The following LUZP2 variants were observed in gnomAD, a reference collection of about 807,000 sequenced individuals.
LUZP2 encodes leucine zipper protein 2.
A neutral mutation model predicts 51.6 loss-of-function variants in LUZP2; 52 were observed. The observed-to-expected ratio is 1.01, with a 90% CI of 0.81 to 1.27. LUZP2 has a LOEUF of 1.27. Ranked by LOEUF, LUZP2 falls within the 50% of genes most tolerant of loss-of-function variation. LUZP2 has a pLI of 0.00. For synonymous variants in LUZP2, 154 were observed against 137.3 expected (o/e 1.12, Z -0.85); for missense variants, 436 against 395.4 (o/e 1.10, Z -0.87).
At chr11:24,885,194 T>C (rs756354671) in intron 5 of LUZP2, among the ~76,000 whole-genome samples, 2 of 152,126 alleles carry the variant, frequency 1.3e-5, no homozygotes, top group Non-Finnish European at 2.9e-5. Context: ...TAATGCCTTA[T>C]AAATTGTGAT....
chr11:24,918,320 C>T (rs1853869175), intron 7 of LUZP2, among the ~76,000 whole-genome samples: 1 of 151,922 alleles, frequency 6.6e-6, no homozygotes, highest in Admixed American at 6.6e-5. Context: ...AATTGAATAC[C>T]CTTTATTTCT....
intron 7 of LUZP2, among the ~76,000 whole-genome samples, chr11:24,938,991 T>C (rs1279275860): frequency 6.6e-6 from 1 of 152,168 alleles, no homozygotes; most frequent in Non-Finnish European, 1.5e-5. Context: ...GTGCTGAGTC[T>C]AATGGTCTAG....
intron 7 of LUZP2, among the ~76,000 whole-genome samples, chr11:24,942,052 C>T (rs111425107): frequency 4.6e-5 from 7 of 152,154 alleles, no homozygotes; most frequent in African/African-American, 1.7e-4. Flanking sequence ...AGTCATTTTT[C>T]CCTTTTTAAT....
chr11:24,732,520 T>G (rs917319858), intron 3 of LUZP2, among the ~76,000 whole-genome samples: 2 of 151,624 alleles, frequency 1.3e-5, no homozygotes, highest in Non-Finnish European at 3.0e-5. Flanking sequence ...TAGACAGATT[T>G]GATAATATTG....
At chr11:24,920,954 A>T (rs557594393) in intron 7 of LUZP2, among the ~76,000 whole-genome samples, 22 of 152,196 alleles carry the variant, frequency 1.4e-4, no homozygotes, top group Non-Finnish European at 3.1e-4. Flanking sequence ...CAAATAAAAA[A>T]GAAAATATTT....
intron 7 of LUZP2, among the ~76,000 whole-genome samples, chr11:24,942,197 A>G (rs866488927): frequency 6.6e-6 from 1 of 152,212 alleles, no homozygotes; most frequent in African/African-American, 2.4e-5. Flanking sequence ...TCTTTGTATA[A>G]ACACAAAATT....
At chr11:24,505,829 A>T (rs1454740325) in intron 1 of LUZP2, among the ~76,000 whole-genome samples, 1 of 152,160 alleles carries the variant, frequency 6.6e-6, no homozygotes, top group Non-Finnish European at 1.5e-5. Context: ...GAGAAAAAAA[A>T]ATAAAGAAAG....
At chr11:25,057,326 C>A (rs955828242) in intron 10 of LUZP2, among the ~76,000 whole-genome samples, 8 of 152,072 alleles carry the variant, frequency 5.3e-5, no homozygotes, top group African/African-American at 1.9e-4. Flanking sequence ...CCTATGTAAA[C>A]CAGGCAGGGT....
intron 1 of LUZP2, among the ~76,000 whole-genome samples, chr11:24,660,900 T>C (rs1332728448): frequency 1.3e-5 from 2 of 152,160 alleles, no homozygotes; most frequent in Non-Finnish European, 2.9e-5. Context: ...TGCAAATTCA[T>C]ATGTTTGGGA....
intron 5 of LUZP2, among the ~76,000 whole-genome samples, chr11:24,862,464 A>G (rs1851769213): frequency 6.6e-6 from 1 of 152,292 alleles, no homozygotes; most frequent in African/African-American, 2.4e-5. Context: ...ACAAAGACTA[A>G]TGACACTATG....
intron 9 of LUZP2, among the ~76,000 whole-genome samples, chr11:25,029,487 C>G (rs1452390815): frequency 6.6e-6 from 1 of 151,964 alleles, no homozygotes; most frequent in Non-Finnish European, 1.5e-5. Context: ...CCTGTAATCC[C>G]AGTACTTTGG....
intron 1 of LUZP2, among the ~76,000 whole-genome samples, chr11:24,653,282 T>TAC (rs1040605413): frequency 6.6e-6 from 1 of 152,170 alleles, no homozygotes; most frequent in African/African-American, 2.4e-5. Flanking sequence ...TACTATTTTT[T>TAC]ACCGAATTGA....
chr11:24,968,996 G>C (rs537895590), intron 7 of LUZP2, among the ~76,000 whole-genome samples: 1 of 152,158 alleles, frequency 6.6e-6, no homozygotes, highest in Non-Finnish European at 1.5e-5. Context: ...CAGATAATTT[G>C]AATCCTTTTT....
intron 1 of LUZP2, among the ~76,000 whole-genome samples, chr11:24,509,626 A>G (rs887886242): frequency 4.7e-5 from 7 of 150,042 alleles, no homozygotes; most frequent in Non-Finnish European, 7.4e-5. Context: ...TATATATAAC[A>G]TATTATATGT....
rs114180016 is a variant in LUZP2, at chr11:24,665,739, C to T, written c.63-63430C>T. ...CTTGTGAAGAAGGACATGATTGCTTCGCCTTCTGCCATGATTGTAAATTTG... is the reference window on the plus strand; with the variant it reads ...CTTGTGAAGAAGGACATGATTGCTTTGCCTTCTGCCATGATTGTAAATTTG... On this transcript the variant is annotated intron_variant, in intron 1 of 11. Transcript: ENST00000336930. Among the ~76,000 whole-genome samples, 1,320 of 152,238 alleles carry T rather than the reference C, an allele frequency of 8.7e-3. 15 individuals carry two copies. Among genetic ancestry groups the T allele is most frequent in the African/African-American group, 0.03 (1,236 of 41,544 alleles).
chr11:24,887,684 A>G (rs918336797), intron 5 of LUZP2, among the ~76,000 whole-genome samples: 2 of 152,228 alleles, frequency 1.3e-5, no homozygotes, highest in African/African-American at 4.8e-5. Flanking sequence ...GCAACATAAA[A>G]TTATAAGAAT....
intron 5 of LUZP2, among the ~76,000 whole-genome samples, chr11:24,797,131 T>G (rs1311857680): frequency 1.3e-5 from 2 of 152,154 alleles, no homozygotes; most frequent in African/African-American, 2.4e-5. Flanking sequence ...TGGCCAGAAT[T>G]AAATGAATTA....
At chr11:24,763,794 C>T (rs1860078120) in intron 5 of LUZP2, among the ~76,000 whole-genome samples, 1 of 152,112 alleles carries the variant, frequency 6.6e-6, no homozygotes, top group Admixed American at 6.5e-5. Flanking sequence ...ATACTGCATA[C>T]ATTTTTCTTC....
chr11:24,769,796 T>C (rs1860340270), intron 5 of LUZP2, among the ~76,000 whole-genome samples: 1 of 150,802 alleles, frequency 6.6e-6, no homozygotes, highest in African/African-American at 2.5e-5. Flanking sequence ...CTTTTTTGTT[T>C]GTTTGTTTTG....
Sources: allele counts gnomAD v4.1 joint callset (sites outside exome capture counted in the v4.1 genomes callset), GRCh38; gene constraint gnomAD v4.1.1; transcripts MANE v1.5; gene names NCBI Gene and HGNC (gene_info 2026-07-23, HGNC 2026-07-21).